Variants in RNF217 observed in about 807,000 individuals in gnomAD.
RNF217 encodes the protein ring finger protein 217.
Under a neutral mutation model 57.8 loss-of-function variants are expected in RNF217, and 31 were observed. The ratio of observed to expected loss-of-function variants is 0.54; its 90% CI spans 0.40 to 0.72. The LOEUF is 0.72. RNF217 is among the 30% of genes least tolerant of loss of function. The probability of loss-of-function intolerance (pLI) is 0.00; values close to 1 mark genes in which losing one functional copy is unlikely to be tolerated. For synonymous variants in RNF217, 313 were observed against 294.0 expected, an observed-to-expected ratio of 1.06 and a Z score of -0.66; for missense variants, 696 against 708.3, an observed-to-expected ratio of 0.98 and a Z score of 0.20.
intron 1 of RNF217, among the ~76,000 whole-genome samples, chr6:125,022,843 T>C (rs767793348): frequency 8.6e-5 from 13 of 152,028 alleles, no homozygotes; most frequent in Non-Finnish European, 1.8e-4. Context: ...TTGTCACCTA[T>C]GTCCCTGCTT....
intron 4 of RNF217, among the ~76,000 whole-genome samples, chr6:125,079,120 G>A (rs551196472): frequency 1.8e-4 from 28 of 152,168 alleles, no homozygotes; most frequent in African/African-American, 5.8e-4. Context: ...TCTTCATTCC[G>A]TGTAACCACG....
chr6:125,013,832 C>T (rs1328872783), intron 1 of RNF217, among the ~76,000 whole-genome samples: 1 of 152,136 alleles, frequency 6.6e-6, no homozygotes, highest in East Asian at 1.9e-4. Context: ...CATGTACCTA[C>T]TGAGTGATGT....
chr6:124,978,056 G>C (rs772355649), intron 1 of RNF217, among the ~76,000 whole-genome samples: 19 of 152,000 alleles, frequency 1.3e-4, no homozygotes, highest in Admixed American at 2.0e-4. Context: ...CAAAATATTT[G>C]CTTAGCACCA....
At chr6:124,992,478 TG>T (rs1784595533) in intron 1 of RNF217, among the ~76,000 whole-genome samples, 1 of 152,198 alleles carries the variant, frequency 6.6e-6, no homozygotes, top group Non-Finnish European at 1.5e-5. Flanking sequence ...TTTCTAATGC[TG>T]TGTAGATGTA....
At chr6:125,040,691 T>C (rs1241989822) in intron 1 of RNF217, among the ~76,000 whole-genome samples, 1 of 152,100 alleles carries the variant, frequency 6.6e-6, no homozygotes, top group Non-Finnish European at 1.5e-5. Flanking sequence ...AAATCATCAA[T>C]AAAATACTGG....
At chr6:125,041,470 A>G (rs1786878788) in intron 1 of RNF217, among the ~76,000 whole-genome samples, 1 of 152,156 alleles carries the variant, frequency 6.6e-6, no homozygotes, top group Admixed American at 6.6e-5. Flanking sequence ...AACAAGGCCC[A>G]TGTGATCTGT....
chr6:125,039,169 A>AG (rs1786773097), intron 1 of RNF217, among the ~76,000 whole-genome samples: 1 of 152,118 alleles, frequency 6.6e-6, no homozygotes, highest in South Asian at 2.1e-4. Context: ...GTCCCTGTAA[A>AG]GGACATGGCC....
At position 125,085,527 on chromosome 6, in the gene RNF217, A is replaced by G. The variant is rs976084025; in HGVS notation, c.*2590A>G. 6 of 151,952 alleles carry G rather than the reference A, an allele frequency of 3.9e-5. No homozygotes were observed. Among genetic ancestry groups the G allele is most frequent in the African/African-American group, 1.4e-4 (6 of 41,438 alleles). 9.4% of individuals were successfully genotyped at this position (151,952 alleles called of 1,614,324 possible). On this transcript the variant is annotated 3_prime_UTR_variant, in exon 6 of 6. Coordinates refer to ENST00000521654, the MANE Select transcript of RNF217 (RefSeq NM_001286398.3). ...TGTCAGTGCCAACTTTGAAGGTAAA[A>G]CAGTAGTAGTAACTTTTGGGAGAAA...
intron 2 of RNF217, 95 bp from the exon 3 acceptor site, chr6:125,057,847 A>C: frequency 9.5e-7 from 1 of 1,054,994 alleles, no homozygotes. Flanking sequence ...TTAAATTATA[A>C]ACTTTTAGCT....
intron 1 of RNF217, among the ~76,000 whole-genome samples, chr6:125,027,994 G>A (rs1786182352): frequency 6.6e-6 from 1 of 151,942 alleles, no homozygotes; most frequent in African/African-American, 2.4e-5. Flanking sequence ...TTCCTGTAGG[G>A]TTGTTTGGAC....
chr6:125,009,466 G>C (rs1398775171), intron 1 of RNF217: 3 of 460,404 alleles, frequency 6.5e-6, no homozygotes, highest in Non-Finnish European at 1.1e-5. Flanking sequence ...AAGAATGTAA[G>C]AAGGCAGAAA....
In RNF217 at chr6:125,076,882, G is replaced by A. The variant is rs145174431; in HGVS notation, c.1483+24G>A. The A allele has an allele frequency of 2.5e-6, 4 of 1,590,742 alleles. No homozygotes were observed. The East Asian group carries it at 8.9e-5, about 36-fold the overall frequency. On this transcript the variant is annotated intron_variant, in intron 4 of 5. Coordinates refer to ENST00000521654, the MANE Select transcript of RNF217 (RefSeq NM_001286398.3). ...TGGTGAGTGTCTGACATACTTATGGGTGTCTTCCCTGGGAATTAAGTAGTG... is the reference window on the plus strand; with the variant it reads ...TGGTGAGTGTCTGACATACTTATGGATGTCTTCCCTGGGAATTAAGTAGTG...
chr6:124,997,470 A>G (rs1784797471), intron 1 of RNF217, among the ~76,000 whole-genome samples: 1 of 152,226 alleles, frequency 6.6e-6, no homozygotes, highest in East Asian at 1.9e-4. Flanking sequence ...TCGAGTTAAT[A>G]TATTCCCATC....
In RNF217 at chr6:125,053,904, A is replaced by G. The variant is rs150223551; in HGVS notation, c.1117-4038A>G. On this transcript the variant is annotated intron_variant, in intron 2 of 5. Coordinates refer to ENST00000521654, the MANE Select transcript of RNF217 (RefSeq NM_001286398.3). ...TGTGCGTTGATCATAGTGCTTAGTA[A>G]AAGTTCATTAGGACAATGTATTTAG... Among the ~76,000 whole-genome samples the G allele has an allele frequency of 2.4e-4, 37 of 152,264 alleles. No homozygotes were observed. In the East Asian group the frequency reaches 6.4e-3, roughly 26 times the overall value.
At chr6:124,997,460 T>A (rs1196214922) in intron 1 of RNF217, among the ~76,000 whole-genome samples, 3 of 97,136 alleles carry the variant, frequency 3.1e-5, no homozygotes, top group African/African-American at 1.9e-4. Flanking sequence ...TTCACACAAC[T>A]CGAGTTAATA....
At chr6:125,046,350 A>G (rs957565347) in intron 2 of RNF217, among the ~76,000 whole-genome samples, 14 of 152,188 alleles carry the variant, frequency 9.2e-5, no homozygotes, top group Middle Eastern at 3.4e-3. Context: ...AGCTATCACA[A>G]GAGGACCAGA....
At chr6:125,075,053 G>A (rs1360978059) in intron 3 of RNF217, among the ~76,000 whole-genome samples, 2 of 152,190 alleles carry the variant, frequency 1.3e-5, no homozygotes, top group East Asian at 1.9e-4. Context: ...CCAAGTGCAA[G>A]CTTGTCCAAC....
intron 1 of RNF217, among the ~76,000 whole-genome samples, chr6:125,008,039 G>GA (rs1359976294): frequency 2.6e-5 from 4 of 152,016 alleles, no homozygotes; most frequent in African/African-American, 9.7e-5. Flanking sequence ...GGTGGATCAC[G>GA]AGGTCAGTAG....
chr6:125,090,586 CCATTTT>C lies in RNF217; in HGVS notation c.*7650_*7655del, dbSNP rs1390443717. On this transcript the variant is annotated 3_prime_UTR_variant, in exon 6 of 6. Coordinates refer to ENST00000521654, the MANE Select transcript of RNF217 (RefSeq NM_001286398.3). ...CATCCTCTAAGTATCAGAATGTATT[CCATTTT>C]AATTATATTCTCCTTAACAATAGAA... The C allele has an allele frequency of 1.3e-5, 2 of 151,500 alleles. No homozygotes were observed. Among genetic ancestry groups the C allele is most frequent in the Admixed American group, 6.6e-5 (1 of 15,230 alleles). The allele number at this position is 151,500 out of a possible 1,614,324, so 9.4% of individuals were successfully genotyped here. A position where few individuals can be genotyped will look rare whatever the true frequency, so the allele number is the denominator to read the frequency against.
Sources: allele counts gnomAD v4.1 joint callset (sites outside exome capture counted in the v4.1 genomes callset), GRCh38; gene constraint gnomAD v4.1.1; transcripts MANE v1.5; gene names NCBI Gene and HGNC (gene_info 2026-07-23, HGNC 2026-07-21).